Variants in MTA3 observed in about 807,000 individuals in gnomAD.
MTA3 encodes the protein metastasis associated 1 family member 3.
A neutral mutation model predicts 83.5 loss-of-function variants in MTA3; 34 were observed. The observed-to-expected ratio is 0.41, with a 90% CI of 0.31 to 0.54. MTA3 has a LOEUF of 0.54. Ranked by LOEUF, MTA3 falls within the 20% of genes least tolerant of loss-of-function variation. The pLI, the probability that MTA3 is intolerant of heterozygous loss-of-function variation, is 0.33. For missense variants in MTA3, 761 were observed against 726.4 expected (o/e 1.05, Z -0.55); for synonymous variants, 303 against 252.7 (o/e 1.20, Z -1.89).
At chr2:42,656,662 C>G (rs1431478113) in intron 7 of MTA3, among the ~76,000 whole-genome samples, 1 of 152,176 alleles carries the variant, frequency 6.6e-6, no homozygotes, top group African/African-American at 2.4e-5. Context: ...GAATGTGCAC[C>G]TGGAATTCGC....
At chr2:42,521,415 A>G (rs891940730) in intron 2 of MTA3, among the ~76,000 whole-genome samples, 2 of 152,168 alleles carry the variant, frequency 1.3e-5, no homozygotes, top group African/African-American at 4.8e-5. Context: ...GCTAAGCTGC[A>G]CCCAGATTCC....
At chr2:42,570,819 T>C (rs1678392095) in intron 2 of MTA3, among the ~76,000 whole-genome samples, 1 of 151,974 alleles carries the variant, frequency 6.6e-6, no homozygotes, top group African/African-American at 2.4e-5. Context: ...GAGACCAGCC[T>C]GACCAACATG....
rs1266066192 is a variant in MTA3, at chr2:42,682,450, C to T, written c.752C>T (p.Ala251Val). 6.2e-7 allele frequency: 1 copy of T among 1,611,876 alleles called. No homozygotes were observed. Among genetic ancestry groups the T allele is most frequent in the African/African-American group, 1.3e-5 (1 of 75,002 alleles). The change falls in exon 9 of 17, where the codon GCC becomes GTC. Residue 251 changes from alanine to valine, a missense_variant. Transcript: ENST00000405094. ...LYRHSYDLSS[A>V]ISVLVPLGGP... ...AGACACAGCTATGATTTGAGCAGTG[C>T]CATTAGTGTCTTAGTACCACTCGGA... is the stretch of plus-strand genomic sequence containing the variant.
intron 3 of MTA3, among the ~76,000 whole-genome samples, chr2:42,604,573 TC>T (rs138888814): frequency 0.7 from 90,761 of 130,430 alleles, 30,644 homozygotes; most frequent in South Asian, 0.84. Context: ...ATGTTTCTTT[TC>T]TTTTTTTTTT....
intron 2 of MTA3, among the ~76,000 whole-genome samples, chr2:42,548,956 C>T (rs1384221580): frequency 7.9e-6 from 1 of 127,354 alleles, no homozygotes; most frequent in East Asian, 2.1e-4. Context: ...AGGCAGATCA[C>T]CTGAGGTCAG....
chr2:42,553,315 T>C (rs771039659), intron 2 of MTA3, among the ~76,000 whole-genome samples: 1 of 151,640 alleles, frequency 6.6e-6, no homozygotes, highest in African/African-American at 2.4e-5. Context: ...TCCCAGCTAC[T>C]CTGGAGGCTG....
chr2:42,538,686 C>T lies in MTA3; in HGVS notation c.-140-31751C>T, dbSNP rs1324720354. Among the ~76,000 whole-genome samples the T allele has an allele frequency of 5.6e-5, 7 of 124,960 alleles. No individual in the cohort carries two copies. The East Asian group carries it at 9.0e-4, about 16-fold the overall frequency. The allele number at this position is 124,960 out of a possible 152,430, so 82.0% of individuals were successfully genotyped here. ...TCGTGCCACTGCATTCCAGCCTGGG[C>T]GACAGAATATGATGACTCTTTCTAA... is the stretch of plus-strand genomic sequence containing the variant. On this transcript the variant is annotated intron_variant, in intron 2 of 17. Coordinates refer to the MTA3 transcript ENST00000405592.
chr2:42,582,891 C>T (rs755589550), intron 3 of MTA3, among the ~76,000 whole-genome samples: 2 of 151,890 alleles, frequency 1.3e-5, no homozygotes, highest in African/African-American at 2.4e-5. Context: ...ATTTTTTTCC[C>T]CTACTGCTTG....
intron 15 of MTA3, among the ~76,000 whole-genome samples, 153 bp downstream of exon 15, chr2:42,719,227 AACTTT>A (rs1573747730): frequency 6.6e-6 from 1 of 152,176 alleles, no homozygotes; most frequent in East Asian, 1.9e-4. Context: ...TTGTTTCAGA[AACTTT>A]TATTACCAGC....
At chr2:42,597,166 C>T (rs560151485) in intron 3 of MTA3, among the ~76,000 whole-genome samples, 2 of 152,046 alleles carry the variant, frequency 1.3e-5, no homozygotes, top group South Asian at 4.2e-4. Context: ...CCCACCTCGG[C>T]CTACCAAAGA....
At chr2:42,691,102 C>G (rs905463324) in intron 9 of MTA3, among the ~76,000 whole-genome samples, 1 of 151,972 alleles carries the variant, frequency 6.6e-6, no homozygotes, top group Non-Finnish European at 1.5e-5. Context: ...GTCTTGAACT[C>G]CTGGCCTCAA....
chr2:42,672,376 C>T (rs1690883832), intron 8 of MTA3, among the ~76,000 whole-genome samples: 1 of 151,094 alleles, frequency 6.6e-6, no homozygotes. Flanking sequence ...GGTGCAGTGG[C>T]TCACGCCTGT....
At chr2:42,655,943 C>A (rs1689133369) in intron 6 of MTA3, among the ~76,000 whole-genome samples, 1 of 152,210 alleles carries the variant, frequency 6.6e-6, no homozygotes, top group African/African-American at 2.4e-5. Context: ...ATGGCACTTA[C>A]TGCCTCTCAC....
intron 16 of MTA3, among the ~76,000 whole-genome samples, chr2:42,723,692 T>TATACTGAA (rs1474589031): frequency 6.6e-6 from 1 of 152,224 alleles, no homozygotes; most frequent in East Asian, 1.9e-4. Flanking sequence ...CCAGGCAGTA[T>TATACTGAA]ATGTTCTTCA....
At chr2:42,608,066 G>T (rs1363729524) in intron 3 of MTA3, among the ~76,000 whole-genome samples, 1 of 152,204 alleles carries the variant, frequency 6.6e-6, no homozygotes, top group Non-Finnish European at 1.5e-5. Context: ...TTTGTCTTTG[G>T]TTAGGTTGGA....
At chr2:42,504,121 G>C (rs1378890574) in intron 2 of MTA3, among the ~76,000 whole-genome samples, 1 of 151,700 alleles carries the variant, frequency 6.6e-6, no homozygotes, top group African/African-American at 2.4e-5. Flanking sequence ...GTAGAGATGG[G>C]GTTTCGCTGT....
At chr2:42,592,755 C>G (rs1018986702) in intron 3 of MTA3, among the ~76,000 whole-genome samples, 43 of 152,190 alleles carry the variant, frequency 2.8e-4, no homozygotes, top group African/African-American at 9.2e-4. Context: ...GAGCTATCAT[C>G]TTTGATAACA....
At chr2:42,654,889 T>A (rs1294360520) in intron 6 of MTA3, among the ~76,000 whole-genome samples, 1 of 152,184 alleles carries the variant, frequency 6.6e-6, no homozygotes, top group East Asian at 1.9e-4. Context: ...GTGCTGGGAT[T>A]ATAGGTGTGA....
intron 16 of MTA3, among the ~76,000 whole-genome samples, chr2:42,747,861 C>T (rs1669555927): frequency 6.6e-6 from 1 of 151,510 alleles, no homozygotes; most frequent in Non-Finnish European, 1.5e-5. Context: ...ATATGTACAC[C>T]AGGAAACCAT....
Sources: gnomAD v4.1 joint callset for allele counts (sites outside exome capture counted in the v4.1 genomes callset) on GRCh38, gnomAD v4.1.1 for gene constraint, MANE v1.5 for transcripts, NCBI Gene and HGNC (gene_info 2026-07-23, HGNC 2026-07-21) for gene names.